The following ZNF469 variants were observed in gnomAD, a reference collection of about 807,000 sequenced individuals.
ZNF469 encodes the protein zinc finger protein 469.
In ZNF469, 1 loss-of-function variant was observed where a neutral mutation model predicts 1.0. The observed-to-expected ratio is 1.00, with a 90% CI of 0.35 to 4.73. ZNF469 has a LOEUF of 4.73. ZNF469 is among the 30% of genes most tolerant of loss of function. The probability of loss-of-function intolerance (pLI) is 0.16; values close to 1 mark genes in which losing one functional copy is unlikely to be tolerated. For missense variants in ZNF469, 6,100 were observed against 5,356.3 expected, an observed-to-expected ratio of 1.14 and a Z score of -4.33; for synonymous variants, 2,703 against 2,363.4, an observed-to-expected ratio of 1.14 and a Z score of -4.17.
rs1450449509 is a variant in ZNF469, at chr16:88,438,794, C to T, written c.11324C>T (p.Pro3775Leu). The change falls in exon 3 of 3, where the codon CCT (proline) becomes CTT (leucine). Residue 3775 changes from proline to leucine, a missense_variant. Physicochemically the swap from Pro to Leu is moderately conservative, Grantham distance 98. Transcript: ENST00000565624. ...PAKPSFPSRS[P>L]APERLPARAQ... is the part of the protein sequence containing the mutation. ...AAGCCCAGCTTCCCCAGCCGGAGCC[C>T]TGCACCAGAGAGGCTCCCCGCTCGA... 3 of 1,550,150 alleles carry T rather than the reference C, an allele frequency of 1.9e-6. No homozygotes were observed. The African/African-American group carries it at 4.1e-5, about 21-fold the overall frequency.
At chr16:88,393,914 G>C (rs1212718869) in intron 1 of ZNF469, among the ~76,000 whole-genome samples, 1 of 152,248 alleles carries the variant, frequency 6.6e-6, no homozygotes, top group East Asian at 1.9e-4. Flanking sequence ...CCATGCTGGG[G>C]CCTCAGGAAG....
chr16:88,195,311 T>C, the ZNF469 span: 1 of 152,208 alleles, frequency 6.6e-6, no homozygotes, highest in Non-Finnish European at 1.5e-5. Flanking sequence ...AGGGCCTGCC[T>C]TTCTGGACAT....
At chr16:88,211,970 C>G in the ZNF469 span, among the ~76,000 whole-genome samples, 3 of 152,178 alleles carry the variant, frequency 2.0e-5, no homozygotes, top group Non-Finnish European at 4.4e-5. Context: ...ACAATTTGTC[C>G]AGTGATTATG....
rs146825881 is a variant in ZNF469, at chr16:88,402,530, C to T, written c.-192+19276C>T. On this transcript the variant is annotated intron_variant, in intron 1 of 2. Coordinates refer to ENST00000565624, the MANE Select transcript of ZNF469 (RefSeq NM_001367624.2). ...GTTTGAAGGCCCCTGTGGAGAGGGA[C>T]AGTGTGTCCCTGCAGGGGCCTCAGT... is the stretch of plus-strand genomic sequence containing the variant. Among the ~76,000 whole-genome samples, 519 of 152,188 alleles carry T rather than the reference C, an allele frequency of 3.4e-3. 3 individuals carry two copies. Among genetic ancestry groups the T allele is most frequent in the African/African-American group, 0.012 (495 of 41,492 alleles).
chr16:88,321,235 A>C, the ZNF469 span, among the ~76,000 whole-genome samples: 70 of 152,388 alleles, frequency 4.6e-4, no homozygotes, highest in African/African-American at 1.6e-3. Context: ...TGCTGGGGCA[A>C]GTCTGAAATC....
the ZNF469 span, among the ~76,000 whole-genome samples, chr16:88,342,559 C>G: frequency 6.6e-6 from 1 of 152,336 alleles, no homozygotes; most frequent in East Asian, 1.9e-4. Context: ...GCCCCACCTC[C>G]TGTGGTCCCG....
rs780270582 is a variant in ZNF469 at position 88,434,466 on chromosome 16, C to G, written c.6996C>G (p.Ser2332Arg). Reference protein sequence around the residue: ...MPRGHSSYSPSNTARLGHREG... With the variant: ...MPRGHSSYSPRNTARLGHREG... ...GGGGCCACTCCTCGTATTCTCCAAG[C>G]AATACTGCCCGCCTCGGCCACAGGG... The change falls in exon 3 of 3, where the codon AGC becomes AGG. Residue 2332 changes from serine to arginine, a missense_variant. Transcript: ENST00000565624. 5 of 1,549,808 alleles carry G rather than the reference C, an allele frequency of 3.2e-6. 1 individual carries two copies. Among genetic ancestry groups the G allele is most frequent in the South Asian group, 2.4e-5 (2 of 84,066 alleles).
the ZNF469 span, among the ~76,000 whole-genome samples, chr16:88,224,279 C>T: frequency 6.6e-6 from 1 of 152,180 alleles, no homozygotes; most frequent in East Asian, 1.9e-4. Flanking sequence ...CTCCTGACCC[C>T]AGGATTATAG....
the ZNF469 span, among the ~76,000 whole-genome samples, chr16:88,354,531 G>C: frequency 6.6e-6 from 1 of 152,188 alleles, no homozygotes; most frequent in Non-Finnish European, 1.5e-5. Context: ...CCGCACCCCG[G>C]TTTCCCAGCC....
At chr16:88,327,995 G>A in the ZNF469 span, among the ~76,000 whole-genome samples, 180 of 152,342 alleles carry the variant, frequency 1.2e-3, no homozygotes, top group Non-Finnish European at 2.0e-3. Flanking sequence ...GGGAATGCAC[G>A]ACCCATGCTG....
rs1163491931 is a variant in ZNF469, at chr16:88,437,945, C to T, written c.10475C>T (p.Pro3492Leu). The change falls in exon 3 of 3, where the codon CCT becomes CTT. Residue 3492 changes from proline to leucine, a missense_variant. Coordinates refer to ENST00000565624, the MANE Select transcript of ZNF469 (RefSeq NM_001367624.2). ...CCTGGGCCCGGCGAGGACAGGCCTC[C>T]TCCCCGGGGAAGCAGCCCCATCCTG... ...SAPGPGEDRP[P>L]PRGSSPILSE... The T allele has an allele frequency of 1.3e-6, 2 of 1,542,898 alleles. No individual in the cohort carries two copies. Among genetic ancestry groups the T allele is most frequent in the East Asian group, 4.9e-5 (2 of 40,730 alleles).
chr16:88,111,121 C>G, the ZNF469 span, among the ~76,000 whole-genome samples: 9 of 152,242 alleles, frequency 5.9e-5, no homozygotes, highest in African/African-American at 2.2e-4. Context: ...CCCTCCCGCA[C>G]CGCCCCATGT....
chr16:88,433,626 C>T lies in ZNF469; in HGVS notation c.6156C>T (p.Ala2052=), dbSNP rs1011508098. The change falls in exon 3 of 3, where the codon GCC becomes GCT. Residue 2052 remains alanine, a synonymous_variant. Coordinates refer to ENST00000565624, the MANE Select transcript of ZNF469 (RefSeq NM_001367624.2). Reference sequence around the variant, plus strand: ...CAGCCATGAGCCTTCAGGAGGAGGCCGAGCCCACCCCAAGCCCCCCGTCCC... The same window carrying T: ...CAGCCATGAGCCTTCAGGAGGAGGCTGAGCCCACCCCAAGCCCCCCGTCCC... ...SRAAMSLQEE[A]EPTPSPPSPN... is the part of the protein sequence containing the mutation. 26 of 1,550,150 alleles carry T rather than the reference C, an allele frequency of 1.7e-5. No individual in the cohort carries two copies. Among genetic ancestry groups the T allele is most frequent in the Admixed American group, 3.9e-5 (2 of 50,982 alleles).
At chr16:88,392,561 G>A (rs1904522212) in intron 1 of ZNF469, among the ~76,000 whole-genome samples, 1 of 152,256 alleles carries the variant, frequency 6.6e-6, no homozygotes, top group Non-Finnish European at 1.5e-5. Context: ...CAGCTGAGTG[G>A]AAATCAGTGG....
chr16:88,188,245 C>G, the ZNF469 span, among the ~76,000 whole-genome samples: 1 of 152,066 alleles, frequency 6.6e-6, no homozygotes, highest in African/African-American at 2.4e-5. Context: ...CACCTCCTCT[C>G]CCCCAGAGCA....
the ZNF469 span, among the ~76,000 whole-genome samples, chr16:88,271,853 G>C: frequency 6.6e-6 from 1 of 152,212 alleles, no homozygotes; most frequent in African/African-American, 2.4e-5. Context: ...TGGATGAATT[G>C]TGGATAAATG....
At chr16:88,297,343 G>C in the ZNF469 span, among the ~76,000 whole-genome samples, 3 of 152,212 alleles carry the variant, frequency 2.0e-5, no homozygotes, top group Non-Finnish European at 4.4e-5. Flanking sequence ...GTCAAAGACG[G>C]GTGCGTGCAT....
intron 1 of ZNF469, among the ~76,000 whole-genome samples, chr16:88,388,007 G>A (rs1334105811): frequency 1.3e-5 from 2 of 152,248 alleles, no homozygotes; most frequent in African/African-American, 2.4e-5. Context: ...GGGCAGCCAC[G>A]GCTCCCAGCC....
chr16:88,230,100 T>C, the ZNF469 span, among the ~76,000 whole-genome samples: 1 of 152,202 alleles, frequency 6.6e-6, no homozygotes, highest in Non-Finnish European at 1.5e-5. Flanking sequence ...CTGCTCTCCA[T>C]CAGGAAGGCT....
Sources: gnomAD v4.1 joint callset for allele counts (sites outside exome capture counted in the v4.1 genomes callset) on GRCh38, gnomAD v4.1.1 for gene constraint, MANE v1.5 for transcripts, NCBI Gene and HGNC (gene_info 2026-07-23, HGNC 2026-07-21) for gene names.